RBMS3: variants seen among roughly 807,000 people sequenced by gnomAD.
RBMS3 encodes the protein RNA binding motif single stranded interacting protein 3, also known as RNA-binding motif, single-stranded-interacting protein 3.
RBMS3 carries 27 observed loss-of-function variants against 66.8 expected under a neutral mutation model. The observed-to-expected ratio is 0.40, with a 90% CI of 0.30 to 0.56. The LOEUF is 0.56. Among genes scored for constraint, RBMS3 ranks in the 20% least tolerant of loss-of-function variants. RBMS3 has a pLI of 0.40. For synonymous variants in RBMS3, 188 were observed against 183.0 expected (o/e 1.03, Z -0.22); for missense variants, 513 against 549.5 (o/e 0.93, Z 0.66).
intron 4 of RBMS3, among the ~76,000 whole-genome samples, chr3:29,703,231 C>G (rs1012556979): frequency 6.6e-6 from 1 of 152,224 alleles, no homozygotes; most frequent in Admixed American, 6.5e-5. Context: ...AGGGTCCACT[C>G]ACTTCACTAC....
intron 8 of RBMS3, among the ~76,000 whole-genome samples, chr3:29,888,779 C>T (rs769191777): frequency 1.3e-5 from 2 of 151,640 alleles, no homozygotes; most frequent in Non-Finnish European, 3.0e-5. Context: ...AGGTTATGAT[C>T]TCCACTCCTC....
chr3:29,506,248 T>C (rs1482805521), intron 3 of RBMS3, among the ~76,000 whole-genome samples: 1 of 151,976 alleles, frequency 6.6e-6, no homozygotes, highest in Non-Finnish European at 1.5e-5. Context: ...TTGAGATACA[T>C]TCCTTCTATA....
At chr3:29,510,639 A>G (rs1180381872) in intron 3 of RBMS3, among the ~76,000 whole-genome samples, 6 of 152,128 alleles carry the variant, frequency 3.9e-5, no homozygotes, top group African/African-American at 9.7e-5. Flanking sequence ...AAAACCCAAA[A>G]TGCTCCAATA....
chr3:29,732,103 A>G (rs186232731), intron 4 of RBMS3, among the ~76,000 whole-genome samples: 9 of 151,694 alleles, frequency 5.9e-5, no homozygotes, highest in African/African-American at 1.5e-4. Context: ...TCTTTATTGT[A>G]TGAACTTGAC....
At chr3:29,384,429 T>TAAGAAGAAG (rs1336272827) in intron 1 of RBMS3, among the ~76,000 whole-genome samples, 42 of 95,976 alleles carry the variant, frequency 4.4e-4, no homozygotes, top group East Asian at 1.6e-3. Context: ...ATAATAATAA[T>TAAGAAGAAG]AATAATAAGA....
At chr3:29,395,880 A>G (rs1361142477) in intron 1 of RBMS3, among the ~76,000 whole-genome samples, 1 of 152,218 alleles carries the variant, frequency 6.6e-6, no homozygotes, top group Non-Finnish European at 1.5e-5. Context: ...AATAGGGTAA[A>G]TATGGATGGA....
At chr3:29,347,553 G>T (rs1344960645) in intron 1 of RBMS3, among the ~76,000 whole-genome samples, 3 of 152,118 alleles carry the variant, frequency 2.0e-5, no homozygotes, top group Non-Finnish European at 4.4e-5. Context: ...GGGGGAAAAT[G>T]GTCTATTGGG....
intron 10 of RBMS3, chr3:29,926,679 A>G (rs1022945277): frequency 2.0e-5 from 3 of 152,190 alleles, no homozygotes; most frequent in African/African-American, 7.2e-5. Context: ...AGTTAAACCC[A>G]GATAAACATT....
intron 4 of RBMS3, among the ~76,000 whole-genome samples, chr3:29,628,059 C>A (rs936243803): frequency 3.3e-5 from 5 of 152,066 alleles, no homozygotes; most frequent in African/African-American, 1.2e-4. Context: ...GATTAAAAAC[C>A]CAATACCATC....
chr3:29,679,182 T>C (rs76036891), intron 4 of RBMS3, among the ~76,000 whole-genome samples: 3,496 of 152,140 alleles, frequency 0.023, 131 homozygotes, highest in African/African-American at 0.078. Context: ...CCAGATGAGT[T>C]TTATGCATGA....
intron 5 of RBMS3, among the ~76,000 whole-genome samples, chr3:29,752,489 CCT>C (rs1431569375): frequency 6.6e-6 from 1 of 152,132 alleles, no homozygotes; most frequent in Non-Finnish European, 1.5e-5. Flanking sequence ...TATTTCCCTG[CCT>C]CCTGTCTGTA....
chr3:29,684,321 A>T (rs2051621765), intron 4 of RBMS3, among the ~76,000 whole-genome samples: 1 of 152,190 alleles, frequency 6.6e-6, no homozygotes, highest in South Asian at 2.1e-4. Flanking sequence ...ACACTCTGAA[A>T]AACATAAAAT....
rs574737832 is a variant in RBMS3, at chr3:29,367,694, A to T, written c.76-67049A>T. Among the ~76,000 whole-genome samples the T allele has an allele frequency of 2.0e-5, 3 of 152,266 alleles. No individual in the cohort carries two copies. In the East Asian group the frequency reaches 5.8e-4, roughly 29 times the overall value. On this transcript the variant is annotated intron_variant, in intron 1 of 14. Coordinates refer to ENST00000383767, the MANE Select transcript of RBMS3 (RefSeq NM_001003793.3). ...CTTTCTGTAGTTTCTATTTTTTCCT[A>T]TAAAGAACATGTATCACTCTTAGAA...
intron 1 of RBMS3, among the ~76,000 whole-genome samples, chr3:29,287,767 A>G (rs1370505291): frequency 6.6e-6 from 1 of 152,050 alleles, no homozygotes; most frequent in Non-Finnish European, 1.5e-5. Context: ...AATCATCACT[A>G]CCATTCATAT....
At chr3:29,283,712 A>G (rs2032020522) in intron 1 of RBMS3, among the ~76,000 whole-genome samples, 2 of 152,126 alleles carry the variant, frequency 1.3e-5, no homozygotes, top group South Asian at 2.1e-4. Context: ...TCAGATCAGG[A>G]TAGTAGGGAA....
intron 6 of RBMS3, among the ~76,000 whole-genome samples, chr3:29,800,723 G>A (rs1394071038): frequency 1.3e-5 from 2 of 152,062 alleles, no homozygotes; most frequent in African/African-American, 4.8e-5. Flanking sequence ...TTTTGGAAAA[G>A]TAAAGTGTAA....
At chr3:29,663,299 G>A (rs2050627140) in intron 4 of RBMS3, among the ~76,000 whole-genome samples, 1 of 152,146 alleles carries the variant, frequency 6.6e-6, no homozygotes, top group Non-Finnish European at 1.5e-5. Flanking sequence ...TATACAAATG[G>A]TCAATAACCT....
At chr3:29,845,772 C>T (rs1023911585) in intron 6 of RBMS3, among the ~76,000 whole-genome samples, 10 of 152,124 alleles carry the variant, frequency 6.6e-5, no homozygotes, top group Admixed American at 6.5e-4. Context: ...CGAATAATTC[C>T]TATGAATTTA....
chr3:29,978,447 A>C (rs867975572), intron 12 of RBMS3, among the ~76,000 whole-genome samples: 17 of 150,588 alleles, frequency 1.1e-4, no homozygotes, highest in African/African-American at 4.2e-4. Context: ...TTTCTGTGAC[A>C]AAAAAAAAGC....
Sources: gnomAD v4.1 joint callset for allele counts (sites outside exome capture counted in the v4.1 genomes callset) on GRCh38, gnomAD v4.1.1 for gene constraint, MANE v1.5 for transcripts, NCBI Gene and HGNC (gene_info 2026-07-23, HGNC 2026-07-21) for gene names.